ALDH3A2: variants seen among roughly 807,000 people sequenced by gnomAD.
ALDH3A2 encodes aldehyde dehydrogenase family 3 member A2.
In ALDH3A2, 36 loss-of-function variants were observed where a neutral mutation model predicts 51.3. The ratio of observed to expected loss-of-function variants is 0.70; its 90% confidence interval spans 0.54 to 0.93. The LOEUF is 0.93. ALDH3A2 is among the 40% of genes least tolerant of loss of function. The probability of loss-of-function intolerance (pLI) is 0.00; values close to 1 mark genes in which losing one functional copy is unlikely to be tolerated. For missense variants in ALDH3A2, 552 were observed against 603.1 expected (o/e 0.92, Z 0.89); for synonymous variants, 199 against 219.8 (o/e 0.91, Z 0.84).
chr17:19,676,815 C>G lies in ALDH3A2; in HGVS notation c.*1243C>G, dbSNP rs1164276691. 6.6e-6 allele frequency: 1 copy of G among 152,110 alleles called. No homozygotes were observed. The highest frequency in any genetic ancestry group is 1.5e-5 in the Non-Finnish European group (1 of 68,030). 9.4% of individuals were successfully genotyped at this position (152,110 alleles called of 1,614,324 possible). ...ACTTTTTGAAACTATAGAGAGATCC[C>G]TTTCTGATTAGCCTACAGAACTTAA... On this transcript the variant is annotated 3_prime_UTR_variant, in exon 10 of 10. Coordinates refer to ENST00000176643, the MANE Select transcript of ALDH3A2 (RefSeq NM_000382.3).
chr17:19,671,849 T>G lies in ALDH3A2; in HGVS notation c.1336T>G (p.Ser446Ala), dbSNP rs937744131. The G allele has an allele frequency of 1.9e-6, 3 of 1,614,064 alleles. No homozygotes were observed. The African/African-American group carries it at 4.0e-5, about 22-fold the overall frequency. The change falls in exon 9 of 10, where the codon TCA becomes GCA. Residue 446 changes from serine to alanine, a missense_variant. By Grantham distance (99) the Ser-to-Ala change is moderately conservative. Transcript: ENST00000176643. ...ACTCAGATATCCTCCCAACAGCCAG[T>G]CAAAGGTGGATTGGGGAAAATTTTT... ...NKLRYPPNSQ[S>A]KVDWGKFFLL...
chr17:19,673,273 G>C (rs556161980), intron 9 of ALDH3A2: 2 of 1,613,850 alleles, frequency 1.2e-6, no homozygotes, highest in African/African-American at 2.7e-5. Flanking sequence ...TGTTAAGAGT[G>C]AGGTAGGAAC....
intron 6 of ALDH3A2, among the ~76,000 whole-genome samples, chr17:19,662,732 G>A (rs1320469889): frequency 2.6e-5 from 4 of 152,154 alleles, no homozygotes; most frequent in Admixed American, 6.5e-5. Context: ...GAAAGCACTC[G>A]AGTTAAGAAA....
chr17:19,664,809 C>T (rs369330616), intron 7 of ALDH3A2, 139 bp from the exon 8 acceptor site: 4 of 692,944 alleles, frequency 5.8e-6, no homozygotes, highest in South Asian at 3.0e-5. Context: ...TCCCCAAACT[C>T]GAGAATTTTC....
chr17:19,667,252 T>G (rs1012552911), intron 8 of ALDH3A2, among the ~76,000 whole-genome samples: 7 of 152,254 alleles, frequency 4.6e-5, no homozygotes, highest in Non-Finnish European at 1.0e-4. Flanking sequence ...TGTCATAATT[T>G]TAGTAGCTGC....
chr17:19,648,235 TCAGGGACTAGCTCTC>T (rs2084760921), upstream of ALDH3A2: 1 of 152,344 alleles, frequency 6.6e-6, no homozygotes, highest in Admixed American at 6.5e-5. Flanking sequence ...CTTCCCGCCC[TCAGGGACTAGCTCTC>T]CAGGGAACTG....
intron 1 of ALDH3A2, 36 bp from the exon 2 acceptor site, chr17:19,651,511 T>TA: frequency 1.3e-6 from 2 of 1,548,278 alleles, no homozygotes; most frequent in Non-Finnish European, 1.8e-6. Flanking sequence ...GTATCATACT[T>TA]ACTCTGCAAG....
intron 3 of ALDH3A2, 50 bp from the exon 4 acceptor site, chr17:19,656,316 C>T (rs370983032): frequency 2.8e-5 from 41 of 1,451,460 alleles, no homozygotes; most frequent in African/African-American, 1.4e-4. Context: ...TGATGTTAGA[C>T]GTTAGGATTT....
chr17:19,673,415 AG>A, intron 9 of ALDH3A2: 1 of 1,156,924 alleles, frequency 8.6e-7, no homozygotes. Context: ...TGGAGGCTTA[AG>A]GGTTATTGAA....
intron 8 of ALDH3A2, among the ~76,000 whole-genome samples, chr17:19,668,433 A>C (rs1356255791): frequency 2.0e-5 from 3 of 152,018 alleles, no homozygotes; most frequent in Non-Finnish European, 2.9e-5. Context: ...GTTTTAGTAG[A>C]GATGGGGTCT....
chr17:19,663,489 A>C lies in ALDH3A2; in HGVS notation c.1097A>C (p.His366Pro). 1 of 1,614,116 alleles carries C rather than the reference A, an allele frequency of 6.2e-7. No homozygotes were observed. The highest frequency in any genetic ancestry group is 8.5e-7 in the Non-Finnish European group (1 of 1,180,008). ...CCTCTGGCTCTTTATGTATTTTCGC[A>C]TAACCATAAGGTAAGCTTTAGAGAG... Reference protein sequence around the residue: ...EKPLALYVFSHNHKLIKRMID... With the variant: ...EKPLALYVFSPNHKLIKRMID... The change falls in exon 7 of 10, where the codon CAT (histidine) becomes CCT (proline). Residue 366 changes from histidine (H) to proline (P), a missense_variant. Physicochemically the swap from His to Pro is moderately conservative, Grantham distance 77. Transcript: ENST00000176643.
At chr17:19,665,571 T>A in intron 8 of ALDH3A2, among the ~76,000 whole-genome samples, 1 of 152,092 alleles carries the variant, frequency 6.6e-6, no homozygotes, top group East Asian at 1.9e-4. Flanking sequence ...GTTTTGTGAT[T>A]TGAGTAAAAC....
intron 3 of ALDH3A2, 180 bp downstream of exon 3, chr17:19,652,812 AGTC>A: frequency 1.6e-6 from 1 of 624,854 alleles, no homozygotes; most frequent in Non-Finnish European, 2.9e-6. Flanking sequence ...TTTTGTGTGG[AGTC>A]ACCCAGCTCT....
chr17:19,676,221 T>C lies in ALDH3A2; in HGVS notation c.*649T>C, dbSNP rs2085186298. On this transcript the variant is annotated 3_prime_UTR_variant, in exon 10 of 10. Coordinates refer to ENST00000176643, the MANE Select transcript of ALDH3A2 (RefSeq NM_000382.3). ...TGTTCTGTTTAGTTGCAACAATCTC[T>C]TGTGACTAATGTCACTCAAAGCATC... 2 of 152,684 alleles carry C rather than the reference T, an allele frequency of 1.3e-5. No homozygotes were observed. Among genetic ancestry groups the C allele is most frequent in the African/African-American group, 2.4e-5 (1 of 41,462 alleles). 9.5% of individuals were successfully genotyped at this position (152,684 alleles called of 1,614,324 possible).
rs2084870060 is a variant in ALDH3A2, at chr17:19,654,661, G to A, written c.472-1705G>A. Among the ~76,000 whole-genome samples, 1 of 152,050 alleles carries A rather than the reference G, an allele frequency of 6.6e-6. No individual in the cohort carries two copies. The highest frequency in any genetic ancestry group is 2.4e-5 in the African/African-American group (1 of 41,420). ...ACCCAGAACTCGCTCTGGCTTGTGA[G>A]CGCCACGCGCAGCCCCGGTTCCTGC... On this transcript the variant is annotated intron_variant, in intron 3 of 9. Coordinates refer to ENST00000176643, the MANE Select transcript of ALDH3A2 (RefSeq NM_000382.3). The surrounding 1 kb of genome is among the most constrained non-coding windows in gnomAD (Gnocchi z 4.5).
At chr17:19,650,897 A>G (rs1271054712) in intron 1 of ALDH3A2, among the ~76,000 whole-genome samples, 1 of 152,224 alleles carries the variant, frequency 6.6e-6, no homozygotes, top group Admixed American at 6.5e-5. Flanking sequence ...AGCAACTATG[A>G]AATTTCTTTT....
chr17:19,675,425 T>A, intron 9 of ALDH3A2, 133 bp from the exon 10 acceptor site: 1 of 933,446 alleles, frequency 1.1e-6, no homozygotes, highest in Non-Finnish European at 1.8e-6. Flanking sequence ...GTAGTCCTTT[T>A]TTGTACAATG....
At position 19,654,385 on chromosome 17, in the gene ALDH3A2, C is replaced by T. The variant is rs1026453184; in HGVS notation, c.471+1753C>T. Among the ~76,000 whole-genome samples, 16 of 152,314 alleles carry T rather than the reference C, an allele frequency of 1.1e-4. No homozygotes were observed. Among genetic ancestry groups the T allele is most frequent in the South Asian group, 2.1e-4 (1 of 4,824 alleles). Reference sequence around the variant, plus strand: ...GGGGGCGGCGCCCATCAGGGAGGCTCGGGCAGCATGGGAACCCACCAGGGG... The same window carrying T: ...GGGGGCGGCGCCCATCAGGGAGGCTTGGGCAGCATGGGAACCCACCAGGGG... On this transcript the variant is annotated intron_variant, in intron 3 of 9. Coordinates refer to ENST00000176643, the MANE Select transcript of ALDH3A2 (RefSeq NM_000382.3). This position sits in a 1 kb window ranked among gnomAD's most constrained non-coding sequence, Gnocchi z 4.5.
Position 19,667,101 on chromosome 17 carries a change from G to A in ALDH3A2, c.1207+2054G>A, listed in dbSNP as rs1284251130. 2.6e-5 allele frequency among the ~76,000 whole-genome samples: 4 copies of A among 152,096 alleles called. No individual in the cohort carries two copies. In the East Asian group the frequency reaches 7.7e-4, roughly 29 times the overall value. ...ATAACCCCACTATGTAAAGATAACT[G>A]GTATATGTCTTGCACACATATGCAC... On this transcript the variant is annotated intron_variant, in intron 8 of 9. Coordinates refer to ENST00000176643, the MANE Select transcript of ALDH3A2 (RefSeq NM_000382.3).
Sources: gnomAD v4.1 joint callset for allele counts (sites outside exome capture counted in the v4.1 genomes callset) on GRCh38, gnomAD v4.1.1 for gene constraint, Gnocchi (gnomAD v3.1) non-coding constraint, MANE v1.5 for transcripts, NCBI Gene and HGNC (gene_info 2026-07-23, HGNC 2026-07-21) for gene names.